The following KSR2 variants were observed in gnomAD, a reference collection of about 807,000 sequenced individuals.
KSR2 encodes kinase suppressor of ras 2.
Under a neutral mutation model 107.8 loss-of-function variants are expected in KSR2, and 25 were observed. The observed-to-expected ratio is 0.23, with a 90% confidence interval of 0.17 to 0.32. The LOEUF (loss-of-function observed/expected upper bound fraction) is 0.32. KSR2 is among the 10% of genes least tolerant of loss of function. The pLI, the probability that KSR2 is intolerant of heterozygous loss-of-function variation, is 1.00. For missense variants in KSR2, 887 were observed against 1,268.9 expected, an observed-to-expected ratio of 0.70 and a Z score of 4.57; for synonymous variants, 480 against 507.0, an observed-to-expected ratio of 0.95 and a Z score of 0.71.
intron 4 of KSR2, among the ~76,000 whole-genome samples, chr12:117,757,865 C>G (rs1227211392): frequency 6.6e-6 from 1 of 152,236 alleles, no homozygotes; most frequent in Non-Finnish European, 1.5e-5. Context: ...TCGTGTCATT[C>G]ACTTTGGGAT....
chr12:117,928,762 A>G (rs1295962583), intron 1 of KSR2, among the ~76,000 whole-genome samples: 1 of 152,220 alleles, frequency 6.6e-6, no homozygotes, highest in Non-Finnish European at 1.5e-5. Flanking sequence ...GTGGAAACCA[A>G]TATTTGTTGA....
intron 1 of KSR2, among the ~76,000 whole-genome samples, chr12:117,963,608 A>C (rs1265783760): frequency 6.6e-6 from 1 of 151,940 alleles, no homozygotes; most frequent in East Asian, 1.9e-4. Context: ...GCCTCAAAAA[A>C]AACAAAACAA....
intron 3 of KSR2, among the ~76,000 whole-genome samples, chr12:117,802,659 C>A (rs537713140): frequency 1.8e-4 from 28 of 152,322 alleles, no homozygotes; most frequent in African/African-American, 6.0e-4. Context: ...CTGGGAAAAA[C>A]CAAGTGTCAG....
chr12:117,662,985 C>T (rs533030420), intron 5 of KSR2, among the ~76,000 whole-genome samples: 107 of 152,250 alleles, frequency 7.0e-4, no homozygotes, highest in African/African-American at 1.0e-3. Context: ...CAACCTGGGA[C>T]GACAGATCCC....
chr12:117,720,588 G>C (rs1048759533), intron 4 of KSR2, among the ~76,000 whole-genome samples: 1 of 152,230 alleles, frequency 6.6e-6, no homozygotes, highest in Non-Finnish European at 1.5e-5. Context: ...ATTCGACAAA[G>C]TCTAAGTGCT....
At chr12:117,863,413 A>G (rs1002178391) in intron 1 of KSR2, among the ~76,000 whole-genome samples, 1 of 152,188 alleles carries the variant, frequency 6.6e-6, no homozygotes, top group Non-Finnish European at 1.5e-5. Context: ...TCACATTCCC[A>G]GCCACACCCA....
chr12:117,601,322 TTAAA>T (rs1880942141), intron 5 of KSR2, among the ~76,000 whole-genome samples: 1 of 150,984 alleles, frequency 6.6e-6, no homozygotes, highest in Non-Finnish European at 1.5e-5. Context: ...AATTACTAGA[TTAAA>T]TAGTGTCCTT....
intron 18 of KSR2, among the ~76,000 whole-genome samples, chr12:117,470,679 C>T (rs770032904): frequency 5.9e-5 from 9 of 152,122 alleles, no homozygotes; most frequent in Non-Finnish European, 1.2e-4. Context: ...TAGAAACATA[C>T]CACATCATTA....
chr12:117,547,728 A>T (rs76079988), intron 9 of KSR2, among the ~76,000 whole-genome samples: 4,731 of 151,014 alleles, frequency 0.031, 255 homozygotes, highest in African/African-American at 0.11. Context: ...GTTGGGGCTT[A>T]TTTTGTTTTT....
At chr12:117,925,550 C>G (rs190459140) in intron 1 of KSR2, among the ~76,000 whole-genome samples, 7 of 152,290 alleles carry the variant, frequency 4.6e-5, no homozygotes, top group African/African-American at 1.4e-4. Context: ...GAGTTGTTCA[C>G]TATTATTTTA....
chr12:117,958,523 T>C (rs1323120970), intron 1 of KSR2, among the ~76,000 whole-genome samples: 1 of 152,046 alleles, frequency 6.6e-6, no homozygotes, highest in African/African-American at 2.4e-5. Context: ...AGAATTTTGG[T>C]TAAAGAAATG....
intron 3 of KSR2, among the ~76,000 whole-genome samples, chr12:117,807,078 G>C (rs1891036733): frequency 6.6e-6 from 1 of 152,160 alleles, no homozygotes; most frequent in Non-Finnish European, 1.5e-5. Context: ...TCCTTTTCAT[G>C]GTGGGGAATC....
chr12:117,469,593 G>A (rs1871320253), intron 19 of KSR2, 69 bp downstream of exon 19: 2 of 1,563,004 alleles, frequency 1.3e-6, no homozygotes, highest in East Asian at 2.3e-5. Context: ...AAGATGCAGA[G>A]GGGATCAAAA....
chr12:117,787,462 G>A (rs908856294), intron 3 of KSR2, among the ~76,000 whole-genome samples: 3 of 151,992 alleles, frequency 2.0e-5, no homozygotes, highest in Non-Finnish European at 2.9e-5. Context: ...GTGAAACTCC[G>A]CCTCTACTAC....
chr12:117,753,830 AAAG>A (rs1245003521), intron 4 of KSR2, among the ~76,000 whole-genome samples: 2 of 151,916 alleles, frequency 1.3e-5, no homozygotes, highest in South Asian at 2.1e-4. Flanking sequence ...AAAAAAAAAA[AAAG>A]AAGAAGGAAA....
chr12:117,857,474 T>C (rs954813327), intron 2 of KSR2, among the ~76,000 whole-genome samples: 7 of 152,176 alleles, frequency 4.6e-5, no homozygotes, highest in African/African-American at 1.7e-4. Flanking sequence ...GATTTATATA[T>C]GTATATATTT....
chr12:117,861,779 ACTG>A (rs1893306734), intron 1 of KSR2, among the ~76,000 whole-genome samples: 1 of 152,114 alleles, frequency 6.6e-6, no homozygotes, highest in African/African-American at 2.4e-5. Context: ...TGCTGTTTGA[ACTG>A]TAAGTCCTAC....
intron 3 of KSR2, among the ~76,000 whole-genome samples, chr12:117,780,847 G>A (rs971146366): frequency 1.3e-5 from 2 of 152,152 alleles, no homozygotes; most frequent in Non-Finnish European, 2.9e-5. Flanking sequence ...GAAGAGATGG[G>A]CGCTAAACAA....
chr12:117,707,353 C>T (rs555976526), intron 4 of KSR2, among the ~76,000 whole-genome samples: 5 of 151,832 alleles, frequency 3.3e-5, no homozygotes, highest in Non-Finnish European at 7.4e-5. Flanking sequence ...TGTTAATATA[C>T]GAAAAAACCA....
Sources: allele counts gnomAD v4.1 joint callset (sites outside exome capture counted in the v4.1 genomes callset), GRCh38; gene constraint gnomAD v4.1.1; transcripts MANE v1.5; gene names NCBI Gene and HGNC (gene_info 2026-07-23, HGNC 2026-07-21).